SYNE1: variants seen among roughly 807,000 people sequenced by gnomAD.
SYNE1 encodes nesprin-1.
A neutral mutation model predicts 1,111.0 loss-of-function variants in SYNE1; 616 were observed. The observed-to-expected ratio is 0.55, with a 90% CI of 0.52 to 0.59. SYNE1 has a LOEUF of 0.59. Ranked by LOEUF, SYNE1 falls within the 20% of genes least tolerant of loss-of-function variation. The pLI, the probability that SYNE1 is intolerant of heterozygous loss-of-function variation, is 0.00. For missense variants in SYNE1, 10,006 were observed against 10,417.0 expected (o/e 0.96, Z 1.72); for synonymous variants, 3,855 against 3,825.8 (o/e 1.01, Z -0.28).
At chr6:152,406,323 T>C (rs978974458) in intron 45 of SYNE1, among the ~76,000 whole-genome samples, 9 of 152,066 alleles carry the variant, frequency 5.9e-5, no homozygotes, top group African/African-American at 2.2e-4. Context: ...TGGGATTTTT[T>C]TGAATAAGGA....
intron 6 of SYNE1, among the ~76,000 whole-genome samples, chr6:152,511,374 C>T (rs2099083968): frequency 6.6e-6 from 1 of 151,786 alleles, no homozygotes; most frequent in African/African-American, 2.4e-5. Context: ...AACATGCAGG[C>T]AATTACCAAC....
At chr6:152,555,278 C>T (rs556377396) in intron 3 of SYNE1, among the ~76,000 whole-genome samples, 4 of 152,266 alleles carry the variant, frequency 2.6e-5, no homozygotes, top group Admixed American at 6.5e-5. Context: ...AACATTTCAG[C>T]CAATGATGGA....
chr6:152,369,346 G>C (rs536890776), intron 60 of SYNE1, 125 bp downstream of exon 60: 1 of 1,484,404 alleles, frequency 6.7e-7, no homozygotes, highest in Non-Finnish European at 9.3e-7. Context: ...CAGAAATGGG[G>C]AAAAACACAC....
intron 3 of SYNE1, among the ~76,000 whole-genome samples, chr6:152,613,048 A>G (rs778609683): frequency 2.6e-5 from 4 of 152,238 alleles, no homozygotes; most frequent in Non-Finnish European, 4.4e-5. Context: ...ATCATACTGA[A>G]TGGGCAAAAA....
At chr6:152,267,690 A>G (rs1298313232) in intron 100 of SYNE1, among the ~76,000 whole-genome samples, 2 of 152,232 alleles carry the variant, frequency 1.3e-5, no homozygotes, top group African/African-American at 2.4e-5. Flanking sequence ...GAATGTTGTT[A>G]GGGCAAGATA....
intron 39 of SYNE1, 131 bp from the exon 40 acceptor site, chr6:152,419,853 A>G (rs2098226060): frequency 1.1e-6 from 1 of 902,070 alleles, no homozygotes; most frequent in African/African-American, 1.7e-5. Flanking sequence ...ATACCTCTTG[A>G]TATTTTTTAC....
intron 3 of SYNE1, among the ~76,000 whole-genome samples, chr6:152,543,483 T>C (rs1302653733): frequency 6.6e-6 from 1 of 152,200 alleles, no homozygotes; most frequent in South Asian, 2.1e-4. Flanking sequence ...ACATAAAATG[T>C]TCAATTTGTG....
intron 11 of SYNE1, among the ~76,000 whole-genome samples, chr6:152,492,610 C>T (rs373915960): frequency 1.4e-4 from 22 of 152,214 alleles, no homozygotes; most frequent in African/African-American, 5.3e-4. Flanking sequence ...GAAGCCACTC[C>T]CAGAGCCCCT....
At position 152,244,607 on chromosome 6, in the gene SYNE1, A is replaced by C. The variant is rs2086625330; in HGVS notation, c.19622T>G (p.Ile6541Ser). The C allele has an allele frequency of 6.2e-7, 1 of 1,614,040 alleles. No individual in the cohort carries two copies. Among genetic ancestry groups the C allele is most frequent in the Non-Finnish European group, 8.5e-7 (1 of 1,179,944 alleles). ...DGLKEFDAGI[I>S]ELKRRGDKLQ... ...CTTGTCACCACGCCTCTTTAATTCA[A>C]TGATTCCTGCATCAAATTCTTTGAG... Residue 6541 changes from isoleucine to serine, a missense_variant, in exon 106 of 146, where the codon ATT (isoleucine) becomes AGT (serine). Around this residue, in one of 7 missense-constraint regions of SYNE1, gnomAD observed 2,182 missense variants for 2,287.8 expected, o/e 0.95. Coordinates refer to ENST00000367255, the MANE Select transcript of SYNE1 (RefSeq NM_182961.4).
intron 6 of SYNE1, chr6:152,511,621 T>C (rs2099085448): frequency 6.2e-7 from 1 of 1,603,156 alleles, no homozygotes; most frequent in Non-Finnish European, 8.5e-7. Flanking sequence ...GAGAAGATAA[T>C]AGATATACAT....
At chr6:152,480,644 A>G in intron 14 of SYNE1, 1 of 373,792 alleles carries the variant, frequency 2.7e-6, no homozygotes, top group Non-Finnish European at 5.2e-6. Context: ...TTTATGAGCT[A>G]CTTTAAGTAC....
At chr6:152,256,786 C>T (rs778861878) in intron 101 of SYNE1, 21 bp from the exon 102 acceptor site, 8 of 1,612,438 alleles carry the variant, frequency 5.0e-6, no homozygotes, top group Non-Finnish European at 6.8e-6. Context: ...ACAAAGGCAG[C>T]TTGTTGAAGA....
intron 122 of SYNE1, 23 bp downstream of exon 122, chr6:152,214,883 A>G (rs750396045): frequency 6.2e-7 from 1 of 1,613,978 alleles, no homozygotes; most frequent in South Asian, 1.1e-5. Flanking sequence ...TGGAGCAACC[A>G]AGACATCTCT....
Position 152,360,945 on chromosome 6 carries a change from T to G in SYNE1, c.10299+1225A>C, listed in dbSNP as rs528272293. On this transcript the variant is annotated intron_variant, in intron 64 of 145. Transcript: ENST00000367255. ...ATATAAAGAAAATTAAGCATCTCTA[T>G]TCACTGAAGGAGAGGGACATGCAAA... 3.7e-4 allele frequency among the ~76,000 whole-genome samples: 57 copies of G among 152,290 alleles called. 1 individual carries two copies. Among genetic ancestry groups the G allele is most frequent in the Non-Finnish European group, 6.6e-4 (45 of 68,024 alleles).
In SYNE1 at chr6:152,268,144, C is replaced by G. The variant is rs200360218; in HGVS notation, c.18727G>C (p.Glu6243Gln). Residue 6243 changes from glutamate to glutamine, a missense_variant, in exon 100 of 146, where the codon GAG (glutamate) becomes CAG (glutamine). This residue lies in a region of SYNE1 where 2,182 missense variants were observed against 2,287.8 expected (regional missense o/e 0.95). Transcript: ENST00000367255. ...QQKELEQELA[E>Q]QKSLLRSVAS... ...ACTGAGCGAAGGAGACTCTTCTGCT[C>G]GGCTAATTCCTGTTCTAACTCCTGC... 6 of 1,614,082 alleles carry G rather than the reference C, an allele frequency of 3.7e-6. No individual in the cohort carries two copies. In the East Asian group the frequency reaches 1.3e-4, roughly 36 times the overall value.
intron 137 of SYNE1, chr6:152,145,229 G>A (rs973915478): frequency 2.0e-5 from 10 of 510,308 alleles, no homozygotes; most frequent in Admixed American, 9.7e-5. Flanking sequence ...TGCAGTTAAT[G>A]GACATGAGAG....
chr6:152,204,365 C>CA (rs57252682), intron 126 of SYNE1, among the ~76,000 whole-genome samples: 178 of 89,622 alleles, frequency 2.0e-3, no homozygotes, highest in East Asian at 3.9e-3. Flanking sequence ...GACTCTATGT[C>CA]AAAAAAAAAA....
Position 152,436,013 on chromosome 6 carries a change from T to C in SYNE1, c.4238A>G (p.Lys1413Arg). The C allele has an allele frequency of 6.2e-7, 1 of 1,614,174 alleles. No homozygotes were observed. Reference sequence around the variant, plus strand: ...CTTGGCCTGCTGTTGAAGCAGCTGCTTATTTTGGGGCCCAAGCGGTATCTC... The same window carrying C: ...CTTGGCCTGCTGTTGAAGCAGCTGCCTATTTTGGGGCCCAAGCGGTATCTC... The part of the protein sequence containing the change: ...ASEIPLGPQN[K>R]QLLQQQAKSI... The change falls in exon 33 of 146, where the codon AAG (lysine) becomes AGG (arginine). Residue 1413 changes from lysine to arginine, a missense_variant. Lys to Arg is a conservative substitution (Grantham distance 26). This residue lies in a region of SYNE1 where 1,971 missense variants were observed against 2,084.1 expected (regional missense o/e 0.95). Coordinates refer to ENST00000367255, the MANE Select transcript of SYNE1 (RefSeq NM_182961.4).
At chr6:152,253,818 G>T (rs2763036) in intron 104 of SYNE1, among the ~76,000 whole-genome samples, 60,510 of 74,352 alleles carry the variant, frequency 0.81, 23,636 homozygotes, top group Non-Finnish European at 0.84. Flanking sequence ...TAGTGGTTTG[G>T]TTTTTTTTTT....
Sources: allele counts gnomAD v4.1 joint callset (sites outside exome capture counted in the v4.1 genomes callset), GRCh38; gene constraint gnomAD v4.1.1; regional missense constraint gnomAD v4.1.1; transcripts MANE v1.5; gene names NCBI Gene and HGNC (gene_info 2026-07-23, HGNC 2026-07-21).